Variants in CTNNA3 observed in about 807,000 individuals in gnomAD.
The protein encoded by CTNNA3 is catenin alpha-3.
A neutral mutation model predicts 95.7 loss-of-function variants in CTNNA3; 76 were observed. The observed-to-expected ratio is 0.79, with a 90% CI of 0.66 to 0.96. CTNNA3 has a LOEUF of 0.96. Among genes scored for constraint, CTNNA3 ranks in the 40% least tolerant of loss-of-function variants. The probability of loss-of-function intolerance (pLI) is 0.00; values close to 1 mark genes in which losing one functional copy is unlikely to be tolerated. For missense variants in CTNNA3, 1,191 were observed against 1,089.8 expected (o/e 1.09, Z -1.31); for synonymous variants, 431 against 374.4 (o/e 1.15, Z -1.74).
intron 9 of CTNNA3, among the ~76,000 whole-genome samples, chr10:66,642,305 C>CACACACAA (rs1161244532): frequency 1.3e-5 from 2 of 148,442 alleles, no homozygotes; most frequent in Non-Finnish European, 3.0e-5. Flanking sequence ...CACACACACA[C>CACACACAA]AAAACCTGAT....
chr10:66,467,043 T>C (rs1418446955), intron 11 of CTNNA3, among the ~76,000 whole-genome samples: 1 of 152,142 alleles, frequency 6.6e-6, no homozygotes, highest in Admixed American at 6.6e-5. Context: ...AGGCATGCAA[T>C]AGATATTTTT....
intron 9 of CTNNA3, among the ~76,000 whole-genome samples, chr10:66,659,465 G>A (rs1016367039): frequency 6.6e-6 from 1 of 152,140 alleles, no homozygotes; most frequent in African/African-American, 2.4e-5. Flanking sequence ...TTTTCTAACA[G>A]GTTGTTGTGA....
intron 13 of CTNNA3, among the ~76,000 whole-genome samples, chr10:66,254,844 G>A (rs1365141529): frequency 6.6e-6 from 1 of 152,158 alleles, no homozygotes; most frequent in African/African-American, 2.4e-5. Flanking sequence ...TGCCCTTGGG[G>A]CCGAGAAACT....
intron 8 of CTNNA3, among the ~76,000 whole-genome samples, chr10:66,772,066 A>C (rs1840107869): frequency 1.3e-5 from 2 of 152,108 alleles, no homozygotes; most frequent in African/African-American, 4.8e-5. Context: ...ACAAAGATGC[A>C]AGTGTATTTG....
chr10:66,457,220 A>C (rs1270248722), intron 11 of CTNNA3, among the ~76,000 whole-genome samples: 2 of 152,208 alleles, frequency 1.3e-5, no homozygotes, highest in African/African-American at 4.8e-5. Context: ...TTTTGTCAAA[A>C]TGTAAAACTT....
intron 10 of CTNNA3, among the ~76,000 whole-genome samples, chr10:66,598,395 T>C (rs1843799733): frequency 6.6e-6 from 1 of 152,012 alleles, no homozygotes; most frequent in Non-Finnish European, 1.5e-5. Context: ...AACATTGTAC[T>C]GGAAGTCTTA....
intron 7 of CTNNA3, among the ~76,000 whole-genome samples, chr10:67,057,772 A>G (rs1224733632): frequency 6.6e-6 from 1 of 151,988 alleles, no homozygotes; most frequent in Non-Finnish European, 1.5e-5. Context: ...CACTCTCACT[A>G]TTCTCTCAGC....
chr10:67,627,360 A>C (rs557907492), intron 2 of CTNNA3, among the ~76,000 whole-genome samples: 1 of 152,334 alleles, frequency 6.6e-6, no homozygotes, highest in South Asian at 2.1e-4. Flanking sequence ...AACCCAGGAC[A>C]ACTAGAGTAG....
intron 1 of CTNNA3, among the ~76,000 whole-genome samples, 166 bp downstream of exon 1, chr10:67,695,834 C>T (rs1840954321): frequency 6.6e-6 from 1 of 152,188 alleles, no homozygotes; most frequent in Admixed American, 6.5e-5. Flanking sequence ...CTACGTTTCT[C>T]ATAACTAGTC....
intron 7 of CTNNA3, among the ~76,000 whole-genome samples, chr10:66,967,104 G>A (rs955366086): frequency 3.9e-5 from 6 of 152,040 alleles, no homozygotes; most frequent in African/African-American, 7.2e-5. Context: ...CATTAGGAAC[G>A]TTGATGGTTC....
At chr10:66,526,350 T>A (rs1276793416) in intron 10 of CTNNA3, among the ~76,000 whole-genome samples, 1 of 151,772 alleles carries the variant, frequency 6.6e-6, no homozygotes, top group South Asian at 2.1e-4. Flanking sequence ...CACACCCAGA[T>A]AATTTTTTGT....
chr10:66,436,706 A>T (rs1394101797), intron 11 of CTNNA3, among the ~76,000 whole-genome samples: 1 of 151,882 alleles, frequency 6.6e-6, no homozygotes, highest in African/African-American at 2.4e-5. Flanking sequence ...AGTTATTGTT[A>T]CATGTGAATT....
At chr10:66,628,274 A>G (rs1365550299) in intron 9 of CTNNA3, among the ~76,000 whole-genome samples, 1 of 152,114 alleles carries the variant, frequency 6.6e-6, no homozygotes, top group Non-Finnish European at 1.5e-5. Flanking sequence ...TCTATTTTTT[A>G]AAGTCCTGTG....
chr10:67,172,065 C>T (rs2132115570), intron 7 of CTNNA3, among the ~76,000 whole-genome samples: 1 of 152,304 alleles, frequency 6.6e-6, no homozygotes, highest in Middle Eastern at 3.4e-3. Context: ...CTATGTGATT[C>T]CTGCTCTGTG....
intron 5 of CTNNA3, among the ~76,000 whole-genome samples, chr10:67,290,131 G>C (rs769890963): frequency 3.9e-4 from 59 of 152,106 alleles, no homozygotes; most frequent in Admixed American, 2.2e-3. Context: ...TCTATTAGCA[G>C]TCTTTAGAAC....
At chr10:67,053,804 G>A (rs930370777) in intron 7 of CTNNA3, among the ~76,000 whole-genome samples, 3 of 152,182 alleles carry the variant, frequency 2.0e-5, no homozygotes, top group African/African-American at 4.8e-5. Context: ...TTCCCATTGA[G>A]ATTAATCTTT....
chr10:65,991,323 A>T (rs1406884333), intron 15 of CTNNA3, among the ~76,000 whole-genome samples: 1 of 152,094 alleles, frequency 6.6e-6, no homozygotes, highest in African/African-American at 2.4e-5. Context: ...TTTTGATATA[A>T]TTCCACTGAA....
intron 9 of CTNNA3, among the ~76,000 whole-genome samples, chr10:66,646,343 G>C (rs1252605863): frequency 6.6e-6 from 1 of 152,068 alleles, no homozygotes; most frequent in Non-Finnish European, 1.5e-5. Flanking sequence ...TGAGATTATA[G>C]CACAAAGAGT....
At chr10:66,121,071 G>A (rs1182592546) in intron 13 of CTNNA3, among the ~76,000 whole-genome samples, 2 of 152,140 alleles carry the variant, frequency 1.3e-5, no homozygotes, top group African/African-American at 4.8e-5. Context: ...ACATGAAATG[G>A]AGATGTAATG....
Sources: allele counts gnomAD v4.1 joint callset (sites outside exome capture counted in the v4.1 genomes callset), GRCh38; gene constraint gnomAD v4.1.1; transcripts MANE v1.5; gene names NCBI Gene and HGNC (gene_info 2026-07-23, HGNC 2026-07-21).